The following C1QTNF3 variants were observed in gnomAD, a reference collection of about 807,000 sequenced individuals.
C1QTNF3 encodes C1q and TNF related 3, also known as complement C1q tumor necrosis factor-related protein 3.
Under a neutral mutation model 32.6 loss-of-function variants are expected in C1QTNF3, and 26 were observed. The observed-to-expected ratio is 0.80, with a 90% CI of 0.58 to 1.11. The LOEUF is 1.11. Ranked by LOEUF, C1QTNF3 falls within the 50% of genes least tolerant of loss-of-function variation. The pLI is 0.00. For synonymous variants in C1QTNF3, 155 were observed against 146.0 expected (o/e 1.06, Z -0.44); for missense variants, 362 against 398.2 (o/e 0.91, Z 0.77).
chr5:34,107,384 C>A, the C1QTNF3 span, among the ~76,000 whole-genome samples: 1 of 150,628 alleles, frequency 6.6e-6, no homozygotes, highest in Non-Finnish European at 1.5e-5. Flanking sequence ...ACGGGACAGA[C>A]ACATGACTCA....
the C1QTNF3 span, among the ~76,000 whole-genome samples, chr5:34,116,513 G>T: frequency 1.4e-5 from 1 of 71,332 alleles, no homozygotes; most frequent in Non-Finnish European, 2.8e-5. Flanking sequence ...GTTGTTAAAT[G>T]CTTAAATTTT....
At chr5:34,149,058 TGCAGAA>T in the C1QTNF3 span, among the ~76,000 whole-genome samples, 20,194 of 44,972 alleles carry the variant, frequency 0.45, 5,167 homozygotes, top group Non-Finnish European at 0.55. Flanking sequence ...ACGTGAAGAA[TGCAGAA>T]GCCTCAGGAG....
the C1QTNF3 span, among the ~76,000 whole-genome samples, chr5:34,187,103 T>C: frequency 6.6e-6 from 1 of 152,262 alleles, no homozygotes; most frequent in Non-Finnish European, 1.5e-5. Context: ...TCATGAGATC[T>C]GATGGTTTTA....
the C1QTNF3 span, among the ~76,000 whole-genome samples, chr5:34,205,271 C>T: frequency 1.3e-5 from 2 of 152,146 alleles, no homozygotes; most frequent in African/African-American, 2.4e-5. Context: ...CTGATGCTTG[C>T]GGGACTAGGT....
chr5:34,154,534 T>C, the C1QTNF3 span, among the ~76,000 whole-genome samples: 1 of 152,198 alleles, frequency 6.6e-6, no homozygotes, highest in Admixed American at 6.5e-5. Flanking sequence ...AGTCAGCCAA[T>C]GGCTTACATC....
chr5:34,066,451 GACTT>G, the C1QTNF3 span, among the ~76,000 whole-genome samples: 3 of 152,012 alleles, frequency 2.0e-5, no homozygotes, highest in South Asian at 6.2e-4. Context: ...GATTATAAAA[GACTT>G]ACAAGACAAC....
chr5:34,136,198 C>G, the C1QTNF3 span, among the ~76,000 whole-genome samples: 2 of 152,188 alleles, frequency 1.3e-5, no homozygotes, highest in Non-Finnish European at 2.9e-5. Context: ...AAACTACCAT[C>G]AGAGTGAACA....
chr5:34,176,890 A>AATGAATGAAT, the C1QTNF3 span, among the ~76,000 whole-genome samples: 4 of 93,330 alleles, frequency 4.3e-5, no homozygotes, highest in African/African-American at 1.2e-4. Context: ...AATGAATGAA[A>AATGAATGAAT]AATGAAATTA....
chr5:34,176,667 G>C, the C1QTNF3 span, among the ~76,000 whole-genome samples: 1 of 151,996 alleles, frequency 6.6e-6, no homozygotes, highest in Non-Finnish European at 1.5e-5. Context: ...AGGACTGCTT[G>C]AGCCTAGGAG....
At position 34,020,637 on chromosome 5, in the gene C1QTNF3, C is replaced by T. The variant is rs1482382371; in HGVS notation, c.906G>A (p.Gly302=). ...WLRMGNGALH[G]DHQRFSTFAG... Reference sequence around the variant, plus strand: ...CAAAGGTGGAGAAGCGTTGGTGGTCCCCATGGAGAGCGCCATTGCCCATTC... The same window carrying T: ...CAAAGGTGGAGAAGCGTTGGTGGTCTCCATGGAGAGCGCCATTGCCCATTC... The change falls in exon 6 of 6, where the codon GGG becomes GGA. Residue 302 remains glycine, a synonymous_variant. Transcript: ENST00000382065. 1 of 1,614,180 alleles carries T rather than the reference C, an allele frequency of 6.2e-7. No homozygotes were observed. The highest frequency in any genetic ancestry group is 8.5e-7 in the Non-Finnish European group (1 of 1,180,028).
intron 1 of C1QTNF3, among the ~76,000 whole-genome samples, chr5:34,038,900 C>A (rs917797319): frequency 6.6e-6 from 1 of 152,134 alleles, no homozygotes; most frequent in African/African-American, 2.4e-5. Context: ...GATCAAGTGG[C>A]TTTTAACTGT....
Position 34,019,050 on chromosome 5 carries a change from C to T in C1QTNF3, c.*1533G>A, listed in dbSNP as rs1754262301. The stretch of plus-strand genomic sequence containing the variant: ...GGCTGAGGTAGGAGAGTCACTTGAA[C>T]CCAGGAGGCGGAGGCTGCGGTGAGC... On this transcript the variant is annotated 3_prime_UTR_variant, in exon 6 of 6. Coordinates refer to ENST00000382065, the MANE Select transcript of C1QTNF3 (RefSeq NM_181435.6). 6.6e-6 allele frequency among the ~76,000 whole-genome samples: 1 copy of T among 152,108 alleles called. No individual in the cohort carries two copies. Among genetic ancestry groups the T allele is most frequent in the East Asian group, 1.9e-4 (1 of 5,188 alleles).
chr5:34,041,011 G>T (rs1260596902), intron 1 of C1QTNF3, among the ~76,000 whole-genome samples: 1 of 152,232 alleles, frequency 6.6e-6, no homozygotes, highest in Non-Finnish European at 1.5e-5. Flanking sequence ...AGGATGGTTT[G>T]GACATGGGAG....
the C1QTNF3 span, among the ~76,000 whole-genome samples, chr5:34,176,670 C>A: frequency 6.6e-6 from 1 of 151,842 alleles, no homozygotes; most frequent in Non-Finnish European, 1.5e-5. Context: ...ACTGCTTGAG[C>A]CTAGGAGTTC....
the C1QTNF3 span, among the ~76,000 whole-genome samples, chr5:34,087,299 A>C: frequency 2.6e-5 from 4 of 151,658 alleles, no homozygotes; most frequent in East Asian, 5.8e-4. Context: ...TGTAACTCAA[A>C]AAAAAATCAT....
chr5:34,139,244 A>G, the C1QTNF3 span, among the ~76,000 whole-genome samples: 1 of 151,908 alleles, frequency 6.6e-6, no homozygotes, highest in African/African-American at 2.4e-5. Context: ...ACACGGACTT[A>G]TTTTTCTATG....
At chr5:34,224,667 A>G in the C1QTNF3 span, among the ~76,000 whole-genome samples, 1 of 152,190 alleles carries the variant, frequency 6.6e-6, no homozygotes, top group Non-Finnish European at 1.5e-5. Context: ...TGGAGTAAAG[A>G]CTTAAACGCT....
At chr5:34,168,334 C>A in the C1QTNF3 span, 1 of 150,128 alleles carries the variant, frequency 6.7e-6, no homozygotes, top group Admixed American at 6.7e-5. Flanking sequence ...TTCCTTGAGA[C>A]TAGTAGTGAA....
At chr5:34,036,843 T>C (rs977996655) in intron 1 of C1QTNF3, among the ~76,000 whole-genome samples, 3 of 152,144 alleles carry the variant, frequency 2.0e-5, no homozygotes, top group East Asian at 3.9e-4. Flanking sequence ...TCCCAGCTAC[T>C]TGGGAGGCTG....
Sources: allele counts gnomAD v4.1 joint callset (sites outside exome capture counted in the v4.1 genomes callset), GRCh38; gene constraint gnomAD v4.1.1; transcripts MANE v1.5; gene names NCBI Gene and HGNC (gene_info 2026-07-23, HGNC 2026-07-21).